Variants in UBE2G2 observed in about 807,000 individuals in gnomAD.
UBE2G2 encodes the protein ubiquitin-conjugating enzyme E2 G2.
In UBE2G2, 10 loss-of-function variants were observed where a neutral mutation model predicts 23.0. That is an observed-to-expected ratio of 0.43 (90% confidence interval 0.27 to 0.74). UBE2G2 has a LOEUF of 0.74. Ranked by LOEUF, UBE2G2 falls within the 30% of genes least tolerant of loss-of-function variation. The pLI is 0.19. For synonymous variants in UBE2G2, 86 were observed against 81.3 expected (o/e 1.06, Z -0.31); for missense variants, 150 against 218.3 (o/e 0.69, Z 1.97).
chr21:44,784,740 T>A (rs555762811), intron 3 of UBE2G2, among the ~76,000 whole-genome samples: 7 of 152,204 alleles, frequency 4.6e-5, no homozygotes, highest in South Asian at 4.1e-4. Flanking sequence ...CCTGGGAGCA[T>A]CCATCCACCA....
chr21:44,773,886 G>C, intron 4 of UBE2G2, 199 bp from the exon 5 acceptor site: 1 of 661,522 alleles, frequency 1.5e-6, no homozygotes, highest in Admixed American at 3.5e-5. Flanking sequence ...CTCACTCACT[G>C]ACAGGCTCCA....
chr21:44,795,357 C>T (rs1186070077), intron 1 of UBE2G2, among the ~76,000 whole-genome samples: 3 of 152,068 alleles, frequency 2.0e-5, no homozygotes, highest in South Asian at 2.1e-4. Flanking sequence ...ACTGGAAGGG[C>T]GCAGTGGCTC....
In UBE2G2 at chr21:44,768,657, G is replaced by A. The variant is rs956551798; in HGVS notation, c.*2720C>T. ...GAGGCAGGTCTCATCGCAACCAACC[G>A]TGACCACAGAGGACCACAGAGGAGT... On this transcript the variant is annotated 3_prime_UTR_variant, in exon 6 of 6. Transcript: ENST00000345496. The A allele has an allele frequency of 7.2e-5, 11 of 152,222 alleles. No homozygotes were observed. The highest frequency in any genetic ancestry group is 1.2e-4 in the Non-Finnish European group (8 of 68,042). The allele number at this position is 152,222 out of a possible 1,614,324, so 9.4% of individuals were successfully genotyped here. A position where few individuals can be genotyped will look rare whatever the true frequency, so the allele number is the denominator to read the frequency against.
At chr21:44,786,328 T>C (rs782528663) in intron 3 of UBE2G2, among the ~76,000 whole-genome samples, 1 of 152,226 alleles carries the variant, frequency 6.6e-6, no homozygotes, top group African/African-American at 2.4e-5. Flanking sequence ...CAGCCCAGAC[T>C]GTGGGACTCG....
chr21:44,788,215 G>T (rs782712762), intron 1 of UBE2G2, 120 bp from the exon 2 acceptor site: 12 of 907,444 alleles, frequency 1.3e-5, no homozygotes, highest in Non-Finnish European at 1.6e-5. Context: ...ATTAACAAGT[G>T]AAAATTCTGT....
At chr21:44,778,639 G>T (rs1255947093) in intron 3 of UBE2G2, among the ~76,000 whole-genome samples, 1 of 152,208 alleles carries the variant, frequency 6.6e-6, no homozygotes, top group Non-Finnish European at 1.5e-5. Flanking sequence ...CACATTGGAG[G>T]AGTTCTAAAA....
At chr21:44,774,974 T>C (rs2146384336) in intron 4 of UBE2G2, 1 of 328,168 alleles carries the variant, frequency 3.0e-6, no homozygotes, top group African/African-American at 2.2e-5. Context: ...CCGGTGTCTC[T>C]ACCCTAGACC....
At position 44,768,589 on chromosome 21, in the gene UBE2G2, C is replaced by G. The variant is rs1234835794; in HGVS notation, c.*2788G>C. ...AAACAGAAACAGCAAATCACTGACA[C>G]AGGAATCTGCCTCTTTATTGACATG... On this transcript the variant is annotated 3_prime_UTR_variant, in exon 6 of 6. Transcript: ENST00000345496. 2.0e-5 allele frequency: 3 copies of G among 152,280 alleles called. No individual in the cohort carries two copies. Among genetic ancestry groups the G allele is most frequent in the Non-Finnish European group, 4.4e-5 (3 of 68,072 alleles). The allele number at this position is 152,280 out of a possible 1,614,324, so 9.4% of individuals were successfully genotyped here. A position where few individuals can be genotyped will look rare whatever the true frequency, so the allele number is the denominator to read the frequency against.
rs559214068 is a variant in UBE2G2, at chr21:44,780,110, G to T, written c.126-2693C>A. Among the ~76,000 whole-genome samples, 9 of 152,270 alleles carry T rather than the reference G, an allele frequency of 5.9e-5. No individual in the cohort carries two copies. The East Asian group carries it at 1.2e-3, about 20-fold the overall frequency. ...AAAAAAATTTTTTTTAATCCACCAGGTCGTTCCTAGCCTCAGAAGCATGAC... is the reference window on the plus strand; with the variant it reads ...AAAAAAATTTTTTTTAATCCACCAGTTCGTTCCTAGCCTCAGAAGCATGAC... On this transcript the variant is annotated intron_variant, in intron 3 of 5. Transcript: ENST00000345496.
intron 1 of UBE2G2, among the ~76,000 whole-genome samples, chr21:44,793,308 A>T (rs1290320417): frequency 6.6e-6 from 1 of 152,192 alleles, no homozygotes; most frequent in Non-Finnish European, 1.5e-5. Context: ...AGCTCGTACC[A>T]AAGAGAGCTG....
chr21:44,795,996 G>T (rs371551412), intron 1 of UBE2G2, among the ~76,000 whole-genome samples: 1 of 152,150 alleles, frequency 6.6e-6, no homozygotes, highest in African/African-American at 2.4e-5. Flanking sequence ...GGCAAGTAAG[G>T]GTTCTCCCCT....
rs921954750 is a variant in UBE2G2 at position 44,789,821 on chromosome 21, G to A, written c.44-1726C>T. On this transcript the variant is annotated intron_variant, in intron 1 of 5. Coordinates refer to ENST00000345496, the MANE Select transcript of UBE2G2 (RefSeq NM_003343.6). ...GTGGTATTGGGAGGTGGGACCTTTG[G>A]GAGGAGATTAGGTCAGGAGGGCAGA... 3.6e-4 allele frequency among the ~76,000 whole-genome samples: 54 copies of A among 152,086 alleles called. 1 individual carries two copies. Among genetic ancestry groups the A allele is most frequent in the Admixed American group, 3.5e-3 (53 of 15,266 alleles).
chr21:44,794,354 G>A (rs569574457), intron 1 of UBE2G2, among the ~76,000 whole-genome samples: 1 of 152,256 alleles, frequency 6.6e-6, no homozygotes, highest in East Asian at 1.9e-4. Flanking sequence ...GGAAAACTTT[G>A]ATATGGATCC....
rs374623869 is a variant in UBE2G2 at position 44,801,687 on chromosome 21, C to G, written c.43+19G>C. 5.3e-6 allele frequency: 8 copies of G among 1,510,990 alleles called. No homozygotes were observed. In the Admixed American group the frequency reaches 1.8e-4, roughly 33 times the overall value. The allele number at this position is 1,510,990 out of a possible 1,614,324, so 93.6% of individuals were successfully genotyped here. ...CAGGAACGCGGGACGCTGCTGACGG[C>G]CCGGGTCCCCAGACTCACGTTTGTA... On this transcript the variant is annotated intron_variant, in intron 1 of 5. Transcript: ENST00000345496.
At chr21:44,796,063 T>G (rs1437948953) in intron 1 of UBE2G2, among the ~76,000 whole-genome samples, 9 of 152,166 alleles carry the variant, frequency 5.9e-5, no homozygotes, top group African/African-American at 2.2e-4. Flanking sequence ...ATGTCTGGCC[T>G]CCAGAACAGT....
intron 3 of UBE2G2, chr21:44,779,169 G>A (rs969945453): frequency 4.7e-6 from 2 of 422,992 alleles, no homozygotes; most frequent in Admixed American, 2.9e-5. Context: ...AGGGCTGTCG[G>A]CAGCAACAGC....
At chr21:44,781,160 A>G (rs1392822243) in intron 3 of UBE2G2, among the ~76,000 whole-genome samples, 1 of 152,206 alleles carries the variant, frequency 6.6e-6, no homozygotes, top group Non-Finnish European at 1.5e-5. Flanking sequence ...AGTATTTAAA[A>G]CCTGAAGTGG....
At chr21:44,797,741 A>AAAAAGG (rs869172926) in intron 1 of UBE2G2, among the ~76,000 whole-genome samples, 1 of 107,974 alleles carries the variant, frequency 9.3e-6, no homozygotes, top group Non-Finnish European at 1.8e-5. Flanking sequence ...AAAAAAAAAA[A>AAAAAGG]GAGAAAATAC....
At chr21:44,791,256 C>A (rs1403641144) in intron 1 of UBE2G2, among the ~76,000 whole-genome samples, 2 of 152,080 alleles carry the variant, frequency 1.3e-5, no homozygotes, top group Non-Finnish European at 2.9e-5. Context: ...TAACAAGGAG[C>A]CAAATATTAA....
Sources: gnomAD v4.1 joint callset for allele counts (sites outside exome capture counted in the v4.1 genomes callset) on GRCh38, gnomAD v4.1.1 for gene constraint, MANE v1.5 for transcripts, NCBI Gene and HGNC (gene_info 2026-07-23, HGNC 2026-07-21) for gene names.